The following MSANTD4 variants were observed in gnomAD, a reference collection of about 807,000 sequenced individuals.
The protein encoded by MSANTD4 is myb/SANT-like DNA-binding domain-containing protein 4.
Under a neutral mutation model 34.3 loss-of-function variants are expected in MSANTD4, and 13 were observed. The observed-to-expected ratio is 0.38, with a 90% CI of 0.25 to 0.60. The LOEUF is 0.60. Among genes scored for constraint, MSANTD4 ranks in the 20% least tolerant of loss-of-function variants. MSANTD4 has a pLI of 0.63. For synonymous variants in MSANTD4, 137 were observed against 145.2 expected (o/e 0.94, Z 0.41); for missense variants, 358 against 401.8 (o/e 0.89, Z 0.93).
In MSANTD4 at chr11:106,009,946, T is replaced by C; in HGVS notation, c.627A>G (p.Lys209=). 6.2e-7 allele frequency: 1 copy of C among 1,613,548 alleles called. No individual in the cohort carries two copies. The highest frequency in any genetic ancestry group is 1.3e-5 in the African/African-American group (1 of 75,004). ...GTCGTTTTTCCAACTCTAGTTTCTG[T>C]TTCTCAATATTTACGAGCAAATGAG... ...DEPHLLVNIE[K]QKLELEKRRL... is the part of the protein sequence containing the mutation. The change falls in exon 3 of 3, where the codon AAA becomes AAG. Residue 209 remains lysine, a synonymous_variant. Coordinates refer to ENST00000301919, the MANE Select transcript of MSANTD4 (RefSeq NM_032424.3).
rs2847182 is a variant in MSANTD4, at chr11:106,013,358, A to G, written c.-150-2291T>C. On this transcript the variant is annotated intron_variant, in intron 1 of 2. Transcript: ENST00000301919. Reference sequence around the variant, plus strand: ...TCCTGTCAATATGAAAAAAAGTATCAAACTATCCATGAAGTTCCAAATCCT... The same window carrying G: ...TCCTGTCAATATGAAAAAAAGTATCGAACTATCCATGAAGTTCCAAATCCT... 9.4e-3 allele frequency among the ~76,000 whole-genome samples: 1,438 copies of G among 152,288 alleles called. 9 individuals are homozygous for G. The highest frequency in any genetic ancestry group is 0.014 in the Middle Eastern group (4 of 294).
intron 1 of MSANTD4, among the ~76,000 whole-genome samples, chr11:106,012,244 G>A (rs1433962348): frequency 6.6e-6 from 1 of 151,816 alleles, no homozygotes; most frequent in Admixed American, 6.6e-5. Context: ...CACATTGCAT[G>A]GTTTGCCCTT....
intron 1 of MSANTD4, among the ~76,000 whole-genome samples, chr11:106,013,899 G>C (rs985580713): frequency 6.6e-6 from 1 of 152,162 alleles, no homozygotes; most frequent in East Asian, 1.9e-4. Flanking sequence ...GCTAAGGTAA[G>C]TTTTGAGATG....
At position 106,009,761 on chromosome 11, in the gene MSANTD4, G is replaced by A. The variant is rs750186588; in HGVS notation, c.812C>T (p.Ser271Leu). The change falls in exon 3 of 3, where the codon TCA (serine) becomes TTA (leucine). Residue 271 changes from serine (S) to leucine (L), a missense_variant. Physicochemically the swap from Ser to Leu is moderately radical, Grantham distance 145 (BLOSUM62 -2). This residue lies in a region of MSANTD4 where 312 missense variants were observed against 317.6 expected (regional missense o/e 0.98). Coordinates refer to ENST00000301919, the MANE Select transcript of MSANTD4 (RefSeq NM_032424.3). The part of the protein sequence containing the change: ...REKLRLQIVN[S>L]EKPSLENELG... ...TTCATTTTCCAAGGACGGTTTCTCT[G>A]AATTGACTATCTGTAACCTCAACTT... 1.2e-6 allele frequency: 2 copies of A among 1,614,194 alleles called. No individual in the cohort carries two copies. Among genetic ancestry groups the A allele is most frequent in the South Asian group, 2.2e-5 (2 of 91,076 alleles).
intron 1 of MSANTD4, among the ~76,000 whole-genome samples, chr11:106,014,294 T>C (rs751117824): frequency 6.6e-6 from 1 of 152,234 alleles, no homozygotes; most frequent in Non-Finnish European, 1.5e-5. Flanking sequence ...TTACTTCTGT[T>C]AGACCTATAA....
intron 1 of MSANTD4, among the ~76,000 whole-genome samples, chr11:106,014,944 C>CA (rs5794446): frequency 1 from 152,043 of 152,314 alleles, 75,887 homozygotes; most frequent in Middle Eastern, 1. Context: ...TATGCAAAAA[C>CA]AAAAGAAAAG....
chr11:106,011,118 T>C (rs1193489359), intron 1 of MSANTD4, 51 bp from the exon 2 acceptor site: 4 of 846,572 alleles, frequency 4.7e-6, no homozygotes, highest in East Asian at 5.6e-5. Flanking sequence ...TTCTACAACA[T>C]ACTTCAACCT....
At chr11:106,014,671 C>G (rs1425396233) in intron 1 of MSANTD4, among the ~76,000 whole-genome samples, 1 of 152,196 alleles carries the variant, frequency 6.6e-6, no homozygotes, top group African/African-American at 2.4e-5. Flanking sequence ...CATTTCTTAT[C>G]ACCATTGCAT....
intron 1 of MSANTD4, among the ~76,000 whole-genome samples, chr11:106,015,283 C>A (rs1859814751): frequency 6.6e-6 from 1 of 152,178 alleles, no homozygotes; most frequent in South Asian, 2.1e-4. Flanking sequence ...GCCTCAGTTA[C>A]TTAACTTCCC....
At chr11:106,011,200 T>C (rs1591518541) in intron 1 of MSANTD4, 133 bp from the exon 2 acceptor site, 1 of 376,764 alleles carries the variant, frequency 2.7e-6, no homozygotes, top group East Asian at 5.4e-5. Context: ...TGTACTTCTT[T>C]ATCTTTGCCA....
At chr11:106,013,171 T>G (rs1300894459) in intron 1 of MSANTD4, among the ~76,000 whole-genome samples, 2 of 152,092 alleles carry the variant, frequency 1.3e-5, no homozygotes, top group Non-Finnish European at 2.9e-5. Flanking sequence ...GAAACAGGGC[T>G]CAGAAAGAGT....
At chr11:106,017,254 T>C (rs1354519701) in intron 1 of MSANTD4, among the ~76,000 whole-genome samples, 1 of 152,224 alleles carries the variant, frequency 6.6e-6, no homozygotes, top group Non-Finnish European at 1.5e-5. Flanking sequence ...GTGTACATGT[T>C]CACAGATCAA....
chr11:106,017,269 G>C (rs564112506), intron 1 of MSANTD4, among the ~76,000 whole-genome samples: 11 of 152,246 alleles, frequency 7.2e-5, no homozygotes, highest in Admixed American at 2.0e-4. Context: ...GATCAACTTA[G>C]GAACATTCGC....
intron 1 of MSANTD4, among the ~76,000 whole-genome samples, chr11:106,013,787 A>T (rs548506136): frequency 1.3e-5 from 2 of 152,294 alleles, no homozygotes; most frequent in South Asian, 4.1e-4. Context: ...GCTTGAACCC[A>T]GTAGGTGGAG....
At chr11:106,019,495 C>A (rs1859965094) in intron 1 of MSANTD4, among the ~76,000 whole-genome samples, 1 of 152,218 alleles carries the variant, frequency 6.6e-6, no homozygotes, top group Non-Finnish European at 1.5e-5. Context: ...GGTCCCTGAC[C>A]TTGGACTATC....
In MSANTD4 at chr11:106,008,586, T is replaced by A. The variant is rs1020647643; in HGVS notation, c.*949A>T. On this transcript the variant is annotated 3_prime_UTR_variant, in exon 3 of 3. Coordinates refer to ENST00000301919, the MANE Select transcript of MSANTD4 (RefSeq NM_032424.3). ...CTTATTTTAAAAGTCAAACAATCAG[T>A]CATTGGGTTCAAGCTCATGGACTAC... is the stretch of plus-strand genomic sequence containing the variant. 1.3e-5 allele frequency: 2 copies of A among 152,160 alleles called. No individual in the cohort carries two copies. The highest frequency in any genetic ancestry group is 4.8e-5 in the African/African-American group (2 of 41,432). 9.4% of individuals were successfully genotyped at this position (152,160 alleles called of 1,614,324 possible).
chr11:106,018,773 T>C (rs1325648829), intron 1 of MSANTD4, among the ~76,000 whole-genome samples: 6 of 152,190 alleles, frequency 3.9e-5, no homozygotes. Flanking sequence ...CTCCTATTTG[T>C]TGGAAACACA....
chr11:106,020,061 T>C (rs1214983457), intron 1 of MSANTD4, among the ~76,000 whole-genome samples: 2 of 152,234 alleles, frequency 1.3e-5, no homozygotes, highest in African/African-American at 2.4e-5. Flanking sequence ...CAGTACAGTA[T>C]CTGAATGTAA....
Position 106,009,763 on chromosome 11 carries a change from A to C in MSANTD4, c.810T>G (p.Asn270Lys). 1 of 1,614,192 alleles carries C rather than the reference A, an allele frequency of 6.2e-7. No homozygotes were observed. Among genetic ancestry groups the C allele is most frequent in the Non-Finnish European group, 8.5e-7 (1 of 1,180,038 alleles). Residue 270 changes from asparagine (N) to lysine (K), a missense_variant, in exon 3 of 3, where the codon AAT becomes AAG. Coordinates refer to ENST00000301919, the MANE Select transcript of MSANTD4 (RefSeq NM_032424.3). The part of the protein sequence containing the change: ...EREKLRLQIV[N>K]SEKPSLENEL... The stretch of plus-strand genomic sequence containing the variant: ...CATTTTCCAAGGACGGTTTCTCTGA[A>C]TTGACTATCTGTAACCTCAACTTTT...
Sources: allele counts gnomAD v4.1 joint callset (sites outside exome capture counted in the v4.1 genomes callset), GRCh38; gene constraint gnomAD v4.1.1; regional missense constraint gnomAD v4.1.1; transcripts MANE v1.5; gene names NCBI Gene and HGNC (gene_info 2026-07-23, HGNC 2026-07-21).